CSMD1: variants seen among roughly 807,000 people sequenced by gnomAD.
CSMD1 encodes CUB and Sushi multiple domains 1, also known as CUB and sushi domain-containing protein 1.
In CSMD1, 213 loss-of-function variants were observed where a neutral mutation model predicts 417.5. That is an observed-to-expected ratio of 0.51 (90% CI 0.46 to 0.57). The LOEUF (loss-of-function observed/expected upper bound fraction) is 0.57. Among genes scored for constraint, CSMD1 ranks in the 20% least tolerant of loss-of-function variants. The pLI is 0.00. For synonymous variants in CSMD1, 2,862 were observed against 1,736.8 expected (o/e 1.65, Z -16.11); for missense variants, 6,923 against 4,529.7 (o/e 1.53, Z -15.17).
intron 3 of CSMD1, among the ~76,000 whole-genome samples, chr8:4,342,960 G>A (rs554526482): frequency 6.6e-6 from 1 of 152,192 alleles, no homozygotes; most frequent in East Asian, 1.9e-4. Context: ...GACTCTGACA[G>A]GTAGATGTCA....
intron 51 of CSMD1, among the ~76,000 whole-genome samples, chr8:3,024,537 C>T (rs1809709453): frequency 6.6e-6 from 1 of 152,160 alleles, no homozygotes; most frequent in African/African-American, 2.4e-5. Context: ...AAACTCCTGA[C>T]CTCAGGTGAT....
intron 1 of CSMD1, among the ~76,000 whole-genome samples, chr8:4,799,509 G>C (rs1376730694): frequency 2.8e-5 from 4 of 143,580 alleles, no homozygotes; most frequent in Non-Finnish European, 4.5e-5. Context: ...TGGGGCAGGA[G>C]AATTGCTTGA....
chr8:4,658,218 T>G (rs754373336), intron 1 of CSMD1, among the ~76,000 whole-genome samples: 1 of 152,290 alleles, frequency 6.6e-6, no homozygotes, highest in African/African-American at 2.4e-5. Flanking sequence ...CAAAATTTAC[T>G]AATCAAAATA....
intron 46 of CSMD1, among the ~76,000 whole-genome samples, chr8:3,104,066 C>A (rs1306578199): frequency 2.0e-5 from 3 of 152,158 alleles, no homozygotes; most frequent in Non-Finnish European, 4.4e-5. Context: ...TTTAGAGCAG[C>A]ACATTTGATA....
chr8:3,437,907 C>T (rs1238271928), intron 12 of CSMD1, among the ~76,000 whole-genome samples: 1 of 152,094 alleles, frequency 6.6e-6, no homozygotes, highest in African/African-American at 2.4e-5. Context: ...GTCACCAGGC[C>T]TGGCTAATTC....
chr8:4,251,694 G>C (rs1348441266), intron 3 of CSMD1, among the ~76,000 whole-genome samples: 3 of 152,034 alleles, frequency 2.0e-5, no homozygotes, highest in African/African-American at 7.2e-5. Flanking sequence ...AAAGACCTTG[G>C]ACAGTTAAAT....
chr8:4,305,253 C>T (rs774223879), intron 3 of CSMD1, among the ~76,000 whole-genome samples: 1 of 152,182 alleles, frequency 6.6e-6, no homozygotes, highest in Non-Finnish European at 1.5e-5. Context: ...TTAGCTAAAT[C>T]GGCCATTTCC....
At chr8:3,819,824 C>G (rs948961562) in intron 5 of CSMD1, among the ~76,000 whole-genome samples, 1 of 152,020 alleles carries the variant, frequency 6.6e-6, no homozygotes, top group African/African-American at 2.4e-5. Context: ...AGATTACAGG[C>G]GTGACCCATC....
chr8:4,622,026 C>A (rs1801808116), intron 2 of CSMD1, among the ~76,000 whole-genome samples: 1 of 151,960 alleles, frequency 6.6e-6, no homozygotes, highest in South Asian at 2.1e-4. Flanking sequence ...GAAACTTTCT[C>A]AAGCAGATAA....
At chr8:3,487,377 A>T (rs1487646869) in intron 11 of CSMD1, among the ~76,000 whole-genome samples, 1 of 151,800 alleles carries the variant, frequency 6.6e-6, no homozygotes, top group East Asian at 1.9e-4. Context: ...AATTTTTTGT[A>T]TTTTTAGTAG....
At position 4,886,740 on chromosome 8, in the gene CSMD1, C is replaced by G. The variant is rs963938072; in HGVS notation, c.85+107592G>C. 1.2e-4 allele frequency among the ~76,000 whole-genome samples: 18 copies of G among 151,966 alleles called. No homozygotes were observed. In the South Asian group the frequency reaches 2.3e-3, roughly 19 times the overall value. On this transcript the variant is annotated intron_variant, in intron 1 of 69. Coordinates refer to ENST00000635120, the MANE Select transcript of CSMD1 (RefSeq NM_033225.6). ...ACTTTTGGTACTCGGTGTCTTCTTT[C>G]TAGGACTTCTAAAAAAATTTATTTT...
intron 5 of CSMD1, among the ~76,000 whole-genome samples, chr8:3,920,747 A>ATATTT (rs55853603): frequency 0.92 from 139,447 of 151,838 alleles, 64,106 homozygotes; most frequent in East Asian, 0.97. Context: ...TATAAATATC[A>ATATTT]TATTTTGTTA....
chr8:3,741,171 G>A (rs893093317), intron 6 of CSMD1, among the ~76,000 whole-genome samples: 1 of 138,082 alleles, frequency 7.2e-6, no homozygotes, highest in South Asian at 2.4e-4. Flanking sequence ...CTGAGATCGT[G>A]CTATTGCAGT....
rs73497726 is a variant in CSMD1, at chr8:4,973,138, A to G, written c.85+21194T>C. 4.9e-3 allele frequency among the ~76,000 whole-genome samples: 747 copies of G among 152,310 alleles called. 8 individuals carry two copies. The highest frequency in any genetic ancestry group is 0.017 in the African/African-American group (706 of 41,556). ...ATAGGTATTAAATATAAAACACACC[A>G]AGAAATATGCATTAATTATCCAATA... On this transcript the variant is annotated intron_variant, in intron 1 of 69. Coordinates refer to ENST00000635120, the MANE Select transcript of CSMD1 (RefSeq NM_033225.6).
At chr8:3,695,087 C>CGTGTGTGTGTGT (rs1276176981) in intron 7 of CSMD1, among the ~76,000 whole-genome samples, 29,818 of 145,310 alleles carry the variant, frequency 0.21, 3,706 homozygotes, top group Admixed American at 0.33. Context: ...GGAGGCCCTG[C>CGTGTGTGTGTGT]GTGTGTGTGT....
intron 3 of CSMD1, among the ~76,000 whole-genome samples, chr8:4,166,415 C>T (rs564052273): frequency 6.6e-6 from 1 of 152,224 alleles, no homozygotes; most frequent in South Asian, 2.1e-4. Context: ...ATATATACCA[C>T]ACAATAATAG....
chr8:2,973,263 G>A lies in CSMD1; in HGVS notation c.8777C>T (p.Pro2926Leu). Residue 2926 changes from proline (P) to leucine (L), a missense_variant, in exon 57 of 70, where the codon CCA becomes CTA. Transcript: ENST00000635120. ...NPGFCGDPGT[P>L]AHGSRLGDDF... Reference sequence around the variant, plus strand: ...ATCACCAAGCCGAGACCCATGTGCTGGGGTCCCCGGATCACCACAGAATCC... The same window carrying A: ...ATCACCAAGCCGAGACCCATGTGCTAGGGTCCCCGGATCACCACAGAATCC... 6.2e-7 allele frequency: 1 copy of A among 1,613,880 alleles called. No individual in the cohort carries two copies. The highest frequency in any genetic ancestry group is 8.5e-7 in the Non-Finnish European group (1 of 1,179,838).
intron 1 of CSMD1, among the ~76,000 whole-genome samples, chr8:4,674,914 T>C (rs1220872767): frequency 1.3e-5 from 2 of 152,130 alleles, no homozygotes; most frequent in African/African-American, 4.8e-5. Flanking sequence ...TTAGTCCCTT[T>C]ATAAGAAGAG....
At chr8:3,102,562 T>G (rs1006639525) in intron 46 of CSMD1, among the ~76,000 whole-genome samples, 1 of 152,208 alleles carries the variant, frequency 6.6e-6, no homozygotes, top group Admixed American at 6.5e-5. Flanking sequence ...ATGTGCCACT[T>G]AAAGATGGGG....
Sources: allele counts gnomAD v4.1 joint callset (sites outside exome capture counted in the v4.1 genomes callset), GRCh38; gene constraint gnomAD v4.1.1; transcripts MANE v1.5; gene names NCBI Gene and HGNC (gene_info 2026-07-23, HGNC 2026-07-21).